The following PLBD2 variants were observed in gnomAD, a reference collection of about 807,000 sequenced individuals.
PLBD2 encodes the protein putative aminopeptidase PLBD2.
A neutral mutation model predicts 68.3 loss-of-function variants in PLBD2; 51 were observed. The ratio of observed to expected loss-of-function variants is 0.75; its 90% CI spans 0.60 to 0.94. PLBD2 has a LOEUF of 0.94. Among genes scored for constraint, PLBD2 ranks in the 40% least tolerant of loss-of-function variants. The pLI is 0.00. For synonymous variants in PLBD2, 314 were observed against 339.3 expected (o/e 0.93, Z 0.82); for missense variants, 729 against 792.2 (o/e 0.92, Z 0.96).
intron 1 of PLBD2, among the ~76,000 whole-genome samples, chr12:113,363,673 G>A (rs988818713): frequency 3.3e-5 from 5 of 151,892 alleles, no homozygotes; most frequent in Non-Finnish European, 5.9e-5. Flanking sequence ...GAGTAGCTGG[G>A]ACTACAGGTG....
chr12:113,385,251 C>T lies in PLBD2; in HGVS notation c.1254C>T (p.Tyr418=). 2 of 1,614,160 alleles carry T rather than the reference C, an allele frequency of 1.2e-6. No homozygotes were observed. The highest frequency in any genetic ancestry group is 8.5e-7 in the Non-Finnish European group (1 of 1,180,016). ...VVVADKTSEL[Y]QKTYWASYNI... The stretch of plus-strand genomic sequence containing the variant: ...TGGCTGACAAGACCTCGGAGCTCTA[C>T]CAGAAGACCTACTGGGCCAGCTACA... The change falls in exon 9 of 12, where the codon TAC becomes TAT. Residue 418 remains tyrosine (Y), a synonymous_variant. Coordinates refer to ENST00000280800, the MANE Select transcript of PLBD2 (RefSeq NM_173542.4).
In PLBD2 at chr12:113,374,826, G is replaced by A. The variant is rs1957424346; in HGVS notation, c.678G>A (p.Leu226=). ...AGCTCTCTGGGGACCTGGAAGACCT[G>A]GAGCTGGCCCTGAACAAGACCAAGA... The part of the protein sequence containing the change: ...LLQLSGDLED[L]ELALNKTKIK... Residue 226 remains leucine (L), a synonymous_variant, in exon 5 of 12, where the codon CTG becomes CTA. Coordinates refer to ENST00000280800, the MANE Select transcript of PLBD2 (RefSeq NM_173542.4). 6.2e-7 allele frequency: 1 copy of A among 1,613,698 alleles called. No individual in the cohort carries two copies. Among genetic ancestry groups the A allele is most frequent in the African/African-American group, 1.3e-5 (1 of 74,922 alleles).
At chr12:113,367,170 TAAG>T (rs1305902642) in intron 1 of PLBD2, among the ~76,000 whole-genome samples, 1 of 151,570 alleles carries the variant, frequency 6.6e-6, no homozygotes, top group African/African-American at 2.4e-5. Context: ...CACCAACCAA[TAAG>T]AAAAGATTTT....
intron 1 of PLBD2, among the ~76,000 whole-genome samples, chr12:113,366,105 G>A (rs2136902209): frequency 6.6e-6 from 1 of 152,258 alleles, no homozygotes; most frequent in East Asian, 1.9e-4. Flanking sequence ...GGTATCAGAT[G>A]TGGGCATTTT....
intron 9 of PLBD2, among the ~76,000 whole-genome samples, chr12:113,385,615 C>G (rs149321159): frequency 6.6e-6 from 1 of 152,364 alleles, no homozygotes; most frequent in Non-Finnish European, 1.5e-5. Flanking sequence ...TGCATTTTCT[C>G]ATTTGACTCT....
chr12:113,390,314 T>C lies in PLBD2; in HGVS notation c.*1688T>C. 6.7e-6 allele frequency: 1 copy of C among 148,768 alleles called. No individual in the cohort carries two copies. The highest frequency in any genetic ancestry group is 1.5e-5 in the Non-Finnish European group (1 of 66,992). The allele number at this position is 148,768 out of a possible 1,614,324, so 9.2% of individuals were successfully genotyped here. A position where few individuals can be genotyped will look rare whatever the true frequency, so the allele number is the denominator to read the frequency against. Reference sequence around the variant, plus strand: ...CCTATCCACCCATCCACCTACCTATTTGTCACCCATCCACCCATCCATCCA... The same window carrying C: ...CCTATCCACCCATCCACCTACCTATCTGTCACCCATCCACCCATCCATCCA... On this transcript the variant is annotated 3_prime_UTR_variant, in exon 12 of 12. Transcript: ENST00000280800.
chr12:113,389,502 C>G lies in PLBD2; in HGVS notation c.*876C>G, dbSNP rs1220848340. The G allele has an allele frequency of 6.6e-6, 1 of 152,374 alleles. No homozygotes were observed. The highest frequency in any genetic ancestry group is 2.4e-5 in the African/African-American group (1 of 41,422). The allele number at this position is 152,374 out of a possible 1,614,324, so 9.4% of individuals were successfully genotyped here. ...CCCCCATGCAGCCTCCTGTGCAGCC[C>G]TCTGTCTGTCCTTCTGTCCATTCAT... On this transcript the variant is annotated 3_prime_UTR_variant, in exon 12 of 12. Coordinates refer to ENST00000280800, the MANE Select transcript of PLBD2 (RefSeq NM_173542.4).
chr12:113,379,307 C>CAAAAA (rs759130410), intron 5 of PLBD2, among the ~76,000 whole-genome samples: 8 of 46,456 alleles, frequency 1.7e-4, no homozygotes, highest in African/African-American at 4.4e-4. Flanking sequence ...GACTCTGTCT[C>CAAAAA]AAAAAAAAAA....
At chr12:113,376,015 A>C (rs1957435513) in intron 5 of PLBD2, among the ~76,000 whole-genome samples, 1 of 150,368 alleles carries the variant, frequency 6.7e-6, no homozygotes, top group Admixed American at 6.7e-5. Context: ...CACCATGCCC[A>C]GCTAATTTTT....
In PLBD2 at chr12:113,380,850, C is replaced by T. The variant is rs1957483930; in HGVS notation, c.957+8C>T. On this transcript the variant is annotated splice_region_variant and intron_variant, in intron 6 of 11. Coordinates refer to ENST00000280800, the MANE Select transcript of PLBD2 (RefSeq NM_173542.4). ...ATCCTGGGCAGTGGGCTGGTGAGTC[C>T]CTTTCTCATGTCTCCTCTGTTCCTG... The T allele has an allele frequency of 2.6e-6, 4 of 1,550,554 alleles. No homozygotes were observed. The highest frequency in any genetic ancestry group is 1.7e-4 in the Middle Eastern group (1 of 5,994).
chr12:113,360,396 C>A lies in PLBD2; in HGVS notation c.290+1506C>A, dbSNP rs977452002. 2.0e-4 allele frequency among the ~76,000 whole-genome samples: 30 copies of A among 152,314 alleles called. 1 individual carries two copies. Among genetic ancestry groups the A allele is most frequent in the African/African-American group, 5.5e-4 (23 of 41,564 alleles). Reference sequence around the variant, plus strand: ...CTGTTCAGGCGAGGAGGGGCAGGAGCGAGGCCCAGCATGGGGAGGGGGCTT... The same window carrying A: ...CTGTTCAGGCGAGGAGGGGCAGGAGAGAGGCCCAGCATGGGGAGGGGGCTT... On this transcript the variant is annotated intron_variant, in intron 1 of 11. Coordinates refer to ENST00000280800, the MANE Select transcript of PLBD2 (RefSeq NM_173542.4).
In PLBD2 at chr12:113,378,750, A is replaced by G. The variant is rs146031946; in HGVS notation, c.860-1995A>G. 5.9e-4 allele frequency among the ~76,000 whole-genome samples: 90 copies of G among 151,584 alleles called. 1 individual carries two copies. The highest frequency in any genetic ancestry group is 2.2e-3 in the African/African-American group (90 of 41,270). On this transcript the variant is annotated intron_variant, in intron 5 of 11. Transcript: ENST00000280800. ...GCCCAGGCTGGAGTGCAGTGGCACAATCTCGGCTCACTTCAACCTCCGCCT... is the reference window on the plus strand; with the variant it reads ...GCCCAGGCTGGAGTGCAGTGGCACAGTCTCGGCTCACTTCAACCTCCGCCT...
At chr12:113,388,044 T>A in intron 11 of PLBD2, 138 bp downstream of exon 11, 2 of 1,152,992 alleles carry the variant, frequency 1.7e-6, no homozygotes, top group Non-Finnish European at 2.5e-6. Flanking sequence ...GGGGTCACAG[T>A]AAAGGTGACA....
rs1365358257 is a variant in PLBD2 at position 113,361,327 on chromosome 12, G to GTT, written c.290+2449_290+2450dup. Among the ~76,000 whole-genome samples, 218 of 127,714 alleles carry GTT rather than the reference G, an allele frequency of 1.7e-3. 1 individual carries two copies. Among genetic ancestry groups the GTT allele is most frequent in the South Asian group, 7.7e-3 (30 of 3,886 alleles). 83.8% of individuals were successfully genotyped at this position (127,714 alleles called of 152,430 possible). ...TCGTCTTTTTTATTTTTTAAAAAAG[G>GTT]TTTTTTTTTTTTTGTTTTTTTTTTT... On this transcript the variant is annotated intron_variant, in intron 1 of 11. Transcript: ENST00000280800.
intron 1 of PLBD2, among the ~76,000 whole-genome samples, chr12:113,359,955 C>G (rs575201409): frequency 6.6e-6 from 1 of 152,134 alleles, no homozygotes; most frequent in Non-Finnish European, 1.5e-5. Context: ...GGAACCCTAG[C>G]ACTAGGATGT....
chr12:113,381,050 G>A lies in PLBD2; in HGVS notation c.957+208G>A, dbSNP rs184146714. Among the ~76,000 whole-genome samples the A allele has an allele frequency of 2.5e-3, 374 of 152,186 alleles. 5 individuals are homozygous for A. Among genetic ancestry groups the A allele is most frequent in the Non-Finnish European group, 7.5e-4 (51 of 68,006 alleles). ...CAGACTCGCCCTTCCCCTGCTCTGG[G>A]GACTTGGACCACCACAAGGGCGTGT... is the stretch of plus-strand genomic sequence containing the variant. On this transcript the variant is annotated intron_variant, in intron 6 of 11. Transcript: ENST00000280800.
At chr12:113,363,086 G>A (rs1957310108) in intron 1 of PLBD2, among the ~76,000 whole-genome samples, 1 of 151,782 alleles carries the variant, frequency 6.6e-6, no homozygotes. Flanking sequence ...GTGAGCTATT[G>A]TGCCTGGCCG....
chr12:113,370,472 CTTTTTTTTTTTTT>C (rs71086162), intron 2 of PLBD2, among the ~76,000 whole-genome samples: 2 of 103,642 alleles, frequency 1.9e-5, no homozygotes, highest in Admixed American at 1.0e-4. Context: ...TTTTTCTTTT[CTTTTTTTTTTTTT>C]TTTTTTTTTG....
intron 11 of PLBD2, 110 bp downstream of exon 11, chr12:113,388,016 C>T (rs548762198): frequency 5.8e-5 from 79 of 1,363,092 alleles, no homozygotes; most frequent in African/African-American, 5.1e-4. Flanking sequence ...GAATCACAGT[C>T]GGAATTGGGC....
Sources: allele counts gnomAD v4.1 joint callset (sites outside exome capture counted in the v4.1 genomes callset), GRCh38; gene constraint gnomAD v4.1.1; transcripts MANE v1.5; gene names NCBI Gene and HGNC (gene_info 2026-07-23, HGNC 2026-07-21).